SGCG: variants seen among roughly 807,000 people sequenced by gnomAD.
SGCG encodes sarcoglycan gamma.
A neutral mutation model predicts 29.3 loss-of-function variants in SGCG; 26 were observed. That is an observed-to-expected ratio of 0.89 (90% confidence interval 0.65 to 1.23). SGCG has a LOEUF of 1.23. SGCG is among the 50% of genes most tolerant of loss of function. The pLI is 0.00. For synonymous variants in SGCG, 145 were observed against 129.7 expected, an observed-to-expected ratio of 1.12 and a Z score of -0.80; for missense variants, 353 against 356.0, an observed-to-expected ratio of 0.99 and a Z score of 0.07.
intron 3 of SGCG, among the ~76,000 whole-genome samples, chr13:23,238,660 C>A (rs542782571): frequency 1.7e-4 from 26 of 152,250 alleles, no homozygotes; most frequent in African/African-American, 6.3e-4. Flanking sequence ...TTTGCTCCAT[C>A]CCAGAACAGA....
the SGCG span, among the ~76,000 whole-genome samples, chr13:23,175,563 CG>C: frequency 6.6e-6 from 1 of 152,046 alleles, no homozygotes; most frequent in East Asian, 1.9e-4. Context: ...TAACATAATA[CG>C]GAAATTTTAG....
At chr13:23,266,874 C>T (rs185925456) in intron 4 of SGCG, among the ~76,000 whole-genome samples, 1 of 152,294 alleles carries the variant, frequency 6.6e-6, no homozygotes, top group East Asian at 1.9e-4. Context: ...CCTGCAGAAC[C>T]ATGAGCCAGT....
intron 2 of SGCG, among the ~76,000 whole-genome samples, chr13:23,207,267 G>A (rs1389440481): frequency 6.6e-6 from 1 of 152,164 alleles, no homozygotes; most frequent in African/African-American, 2.4e-5. Context: ...ATTTTCACAT[G>A]CAAAAGAATG....
At chr13:23,259,163 C>T (rs1448050218) in intron 4 of SGCG, among the ~76,000 whole-genome samples, 2 of 152,064 alleles carry the variant, frequency 1.3e-5, no homozygotes, top group East Asian at 1.9e-4. Flanking sequence ...GCTGTAAATC[C>T]GTCTGCTCTT....
intron 5 of SGCG, among the ~76,000 whole-genome samples, chr13:23,285,070 T>C (rs1344268254): frequency 6.6e-6 from 1 of 152,086 alleles, no homozygotes; most frequent in Non-Finnish European, 1.5e-5. Context: ...TGTCTCCCAG[T>C]CAGGAGGCAC....
chr13:23,232,631 A>G (rs1879154732), intron 2 of SGCG, among the ~76,000 whole-genome samples: 1 of 151,984 alleles, frequency 6.6e-6, no homozygotes, highest in South Asian at 2.1e-4. Context: ...AAATACAAAA[A>G]ATTAGCCAGG....
intron 5 of SGCG, among the ~76,000 whole-genome samples, chr13:23,281,777 C>T (rs944618864): frequency 6.6e-6 from 1 of 152,160 alleles, no homozygotes; most frequent in Admixed American, 6.5e-5. Flanking sequence ...AATCTAATGC[C>T]TCTACTGATC....
intron 2 of SGCG, among the ~76,000 whole-genome samples, chr13:23,216,161 G>A (rs985219341): frequency 3.9e-5 from 6 of 152,024 alleles, no homozygotes; most frequent in South Asian, 2.1e-4. Flanking sequence ...CAAATCTCAC[G>A]TCTTCTGAGA....
chr13:23,175,212 T>C, the SGCG span, among the ~76,000 whole-genome samples: 3 of 152,118 alleles, frequency 2.0e-5, no homozygotes, highest in African/African-American at 7.2e-5. Flanking sequence ...CACTGAGACA[T>C]AGCAATAGGA....
At chr13:23,200,441 C>A (rs991524818) in intron 1 of SGCG, among the ~76,000 whole-genome samples, 5 of 151,862 alleles carry the variant, frequency 3.3e-5, no homozygotes, top group Non-Finnish European at 5.9e-5. Context: ...AACAAACAAA[C>A]AAAAAAACTG....
At chr13:23,194,875 G>A (rs1018680568) in intron 1 of SGCG, among the ~76,000 whole-genome samples, 20 of 152,086 alleles carry the variant, frequency 1.3e-4, no homozygotes, top group African/African-American at 4.8e-4. Context: ...AGTAGACATC[G>A]ACTGTAATAG....
intron 1 of SGCG, among the ~76,000 whole-genome samples, chr13:23,191,699 A>G (rs1877260441): frequency 6.6e-6 from 1 of 152,218 alleles, no homozygotes; most frequent in Non-Finnish European, 1.5e-5. Context: ...CTCAGCTAGT[A>G]GATTTGAAAA....
intron 6 of SGCG, among the ~76,000 whole-genome samples, chr13:23,296,396 A>G (rs560060): frequency 0.99 from 150,447 of 152,360 alleles, 74,314 homozygotes; most frequent in Middle Eastern, 1. Flanking sequence ...GGAAACATTT[A>G]GTGTATCTCT....
intron 2 of SGCG, among the ~76,000 whole-genome samples, chr13:23,209,865 A>G (rs1163528713): frequency 1.3e-5 from 2 of 152,252 alleles, no homozygotes; most frequent in African/African-American, 4.8e-5. Flanking sequence ...TTAAGCAGTT[A>G]GTGATCATTC....
At chr13:23,252,331 T>C (rs1879998357) in intron 4 of SGCG, among the ~76,000 whole-genome samples, 1 of 152,294 alleles carries the variant, frequency 6.6e-6, no homozygotes, top group Admixed American at 6.5e-5. Context: ...CAAGTAATAA[T>C]AATAAAGACT....
chr13:23,199,652 T>A (rs1383583825), intron 1 of SGCG, among the ~76,000 whole-genome samples: 1 of 152,210 alleles, frequency 6.6e-6, no homozygotes, highest in Non-Finnish European at 1.5e-5. Context: ...GACTTTTTTA[T>A]GCAATGCAGT....
At chr13:23,212,484 T>C (rs752139041) in intron 2 of SGCG, among the ~76,000 whole-genome samples, 2 of 152,110 alleles carry the variant, frequency 1.3e-5, no homozygotes, top group Non-Finnish European at 2.9e-5. Flanking sequence ...ATTTCTTGAG[T>C]TGATAAATAA....
chr13:23,276,885 C>A (rs1287082591), intron 4 of SGCG, among the ~76,000 whole-genome samples: 13 of 152,230 alleles, frequency 8.5e-5, no homozygotes, highest in Admixed American at 8.5e-4. Flanking sequence ...ACCAGGCTTA[C>A]ATGCTTTTCT....
At chr13:23,234,559 G>T in intron 2 of SGCG, 52 bp from the exon 3 acceptor site, 1 of 1,256,572 alleles carries the variant, frequency 8.0e-7, no homozygotes, top group South Asian at 1.2e-5. Context: ...TAAGAGGAAT[G>T]AAAAAGCAAG....
Sources: allele counts gnomAD v4.1 joint callset (sites outside exome capture counted in the v4.1 genomes callset), GRCh38; gene constraint gnomAD v4.1.1; transcripts MANE v1.5; gene names NCBI Gene and HGNC (gene_info 2026-07-23, HGNC 2026-07-21).